The following TRERF1 variants were observed in gnomAD, a reference collection of about 807,000 sequenced individuals.
TRERF1 encodes transcriptional regulating factor 1.
TRERF1 carries 27 observed loss-of-function variants against 122.9 expected under a neutral mutation model. The ratio of observed to expected loss-of-function variants is 0.22; its 90% confidence interval spans 0.16 to 0.30. TRERF1 has a LOEUF of 0.30. TRERF1 is among the 10% of genes least tolerant of loss of function. TRERF1 has a pLI of 1.00. For missense variants in TRERF1, 1,248 were observed against 1,560.3 expected (o/e 0.80, Z 3.37); for synonymous variants, 636 against 641.7 (o/e 0.99, Z 0.13).
chr6:42,435,773 A>G (rs977772455), intron 2 of TRERF1, among the ~76,000 whole-genome samples: 1 of 151,664 alleles, frequency 6.6e-6, no homozygotes, highest in Non-Finnish European at 1.5e-5. Flanking sequence ...CAAGAGATCG[A>G]GATCATCCTG....
chr6:42,349,054 C>T (rs1995871), intron 3 of TRERF1, among the ~76,000 whole-genome samples: 14,443 of 152,170 alleles, frequency 0.095, 1,045 homozygotes, highest in African/African-American at 0.2. Flanking sequence ...GTGCTTGGAA[C>T]TGCAGAAGGC....
At chr6:42,382,337 A>C (rs1389045060) in intron 2 of TRERF1, among the ~76,000 whole-genome samples, 1 of 151,676 alleles carries the variant, frequency 6.6e-6, no homozygotes, top group Non-Finnish European at 1.5e-5. Flanking sequence ...CCTCAGGTTA[A>C]AACATTTTAT....
intron 2 of TRERF1, among the ~76,000 whole-genome samples, chr6:42,448,038 C>T (rs1203541740): frequency 6.6e-6 from 1 of 152,130 alleles, no homozygotes; most frequent in Non-Finnish European, 1.5e-5. Flanking sequence ...TGTCCAAAGT[C>T]AATAAAAACA....
intron 2 of TRERF1, among the ~76,000 whole-genome samples, chr6:42,433,699 A>C (rs1046878347): frequency 3.3e-5 from 5 of 152,154 alleles, no homozygotes; most frequent in Non-Finnish European, 7.3e-5. Flanking sequence ...AGGTATCCAA[A>C]TATTGAAGTT....
Position 42,259,710 on chromosome 6 carries a change from T to C in TRERF1, c.1898A>G (p.Lys633Arg). 1 of 1,602,744 alleles carries C rather than the reference T, an allele frequency of 6.2e-7. No individual in the cohort carries two copies. The highest frequency in any genetic ancestry group is 8.5e-7 in the Non-Finnish European group (1 of 1,179,940). Residue 633 changes from lysine (K) to arginine (R), a missense_variant, in exon 9 of 18, where the codon AAG becomes AGG. Lys to Arg is a conservative substitution (Grantham distance 26, BLOSUM62 2). Transcript: ENST00000372922. The surrounding 1 kb of genome is among the most constrained non-coding windows in gnomAD (Gnocchi z 4.9). ...GGCTTTGGGCACACTCGGCTGATGC[T>C]TCCTGGGGATTTCCTAAAACCGGAA...
chr6:42,246,022 C>T (rs1455331335), intron 14 of TRERF1, among the ~76,000 whole-genome samples: 4 of 152,166 alleles, frequency 2.6e-5, no homozygotes, highest in East Asian at 1.9e-4. Flanking sequence ...GCAAGAGAAT[C>T]GCTTGAACCC....
rs1780841731 is a variant in TRERF1 at position 42,409,814 on chromosome 6, T to TC, written c.-454+41362dup. Among the ~76,000 whole-genome samples, 3 of 152,318 alleles carry TC rather than the reference T, an allele frequency of 2.0e-5. No individual in the cohort carries two copies. The South Asian group carries it at 6.2e-4, about 32-fold the overall frequency. On this transcript the variant is annotated intron_variant, in intron 2 of 17. Coordinates refer to ENST00000372922, the Ensembl canonical transcript of TRERF1. ...TTTTTCAGGGCACACTTCTAGTATT[T>TC]CCCCACTCAGTATCTGCAGCCCCTG... is the stretch of plus-strand genomic sequence containing the variant.
At chr6:42,301,577 TAATAA>T (rs1373084531) in intron 3 of TRERF1, among the ~76,000 whole-genome samples, 1 of 152,180 alleles carries the variant, frequency 6.6e-6, no homozygotes, top group Non-Finnish European at 1.5e-5. Context: ...ATGACTACTT[TAATAA>T]AATATAGTAA....
At chr6:42,304,344 T>C (rs1229725146) in intron 3 of TRERF1, among the ~76,000 whole-genome samples, 1 of 152,224 alleles carries the variant, frequency 6.6e-6, no homozygotes, top group East Asian at 1.9e-4. Flanking sequence ...GAAATGAGGT[T>C]ACTTAGCAGT....
chr6:42,323,346 G>A (rs1763766246), intron 3 of TRERF1, among the ~76,000 whole-genome samples: 1 of 151,942 alleles, frequency 6.6e-6, no homozygotes, highest in Non-Finnish European at 1.5e-5. Flanking sequence ...TTACAGGCAT[G>A]CACCACCACG....
At chr6:42,362,415 T>C (rs1052599713) in intron 3 of TRERF1, among the ~76,000 whole-genome samples, 13 of 152,090 alleles carry the variant, frequency 8.5e-5, no homozygotes, top group African/African-American at 3.1e-4. Flanking sequence ...CGGATCAGGG[T>C]TTACACCTGA....
intron 2 of TRERF1, among the ~76,000 whole-genome samples, chr6:42,368,757 C>T (rs979797965): frequency 2.6e-5 from 4 of 152,100 alleles, no homozygotes; most frequent in African/African-American, 9.7e-5. Flanking sequence ...TGTTTTACTA[C>T]ATTTATGATT....
chr6:42,340,042 C>T (rs1467457159), intron 3 of TRERF1, among the ~76,000 whole-genome samples: 3 of 152,140 alleles, frequency 2.0e-5, no homozygotes, highest in African/African-American at 7.2e-5. Flanking sequence ...CGTCTTTCCA[C>T]CCTGCACCCA....
In TRERF1 at chr6:42,236,246, G is replaced by T. The variant is rs143928148; in HGVS notation, c.3025C>A (p.Pro1009Thr). 31 of 1,608,586 alleles carry T rather than the reference G, an allele frequency of 1.9e-5. No homozygotes were observed. The African/African-American group carries it at 4.2e-4, about 22-fold the overall frequency. Reference sequence around the variant, plus strand: ...ATTTCACAGATGAAGGAGCCTGAGGGCTGGCCCAGGGCCTGCAGGGGCGGC... The same window carrying T: ...ATTTCACAGATGAAGGAGCCTGAGGTCTGGCCCAGGGCCTGCAGGGGCGGC... Residue 1009 changes from proline (P) to threonine (T), a missense_variant, in exon 16 of 18, where the codon CCC becomes ACC. Pro to Thr is a conservative substitution (Grantham distance 38, BLOSUM62 -1). Transcript: ENST00000372922.
chr6:42,257,557 G>A (rs1777000258), intron 10 of TRERF1, among the ~76,000 whole-genome samples: 1 of 152,156 alleles, frequency 6.6e-6, no homozygotes, highest in South Asian at 2.1e-4. Context: ...CCCATTTGAC[G>A]AGTCAACTAA....
chr6:42,407,592 G>A (rs1328600462), intron 2 of TRERF1, among the ~76,000 whole-genome samples: 1 of 152,100 alleles, frequency 6.6e-6, no homozygotes. Flanking sequence ...GAAGAGAGAT[G>A]TGACTTGTCC....
chr6:42,236,211 A>G, exon 16 of TRERF1: 1 of 1,581,126 alleles, frequency 6.3e-7, no homozygotes, highest in Middle Eastern at 1.7e-4. Flanking sequence ...TTACAGCCCC[A>G]CAGTTGGGCA....
chr6:42,269,420 G>T lies in TRERF1; in HGVS notation c.171C>A (p.Phe57Leu). Residue 57 changes from phenylalanine (F) to leucine (L), a missense_variant, in exon 5 of 18, where the codon TTC (phenylalanine) becomes TTA (leucine). Transcript: ENST00000372922. The surrounding 1 kb of genome is among the most constrained non-coding windows in gnomAD (Gnocchi z 4.9). Reference sequence around the variant, plus strand: ...CCAGACCATCCCGTGTATCTTGAGGGAAGTGGGGGGAGATTGGCGAGGCCT... The same window carrying T: ...CCAGACCATCCCGTGTATCTTGAGGTAAGTGGGGGGAGATTGGCGAGGCCT... The T allele has an allele frequency of 6.2e-7, 1 of 1,614,232 alleles. No individual in the cohort carries two copies. Among genetic ancestry groups the T allele is most frequent in the Non-Finnish European group, 8.5e-7 (1 of 1,180,040 alleles).
intron 2 of TRERF1, among the ~76,000 whole-genome samples, chr6:42,400,526 C>T (rs1442980244): frequency 6.6e-6 from 1 of 152,168 alleles, no homozygotes; most frequent in Non-Finnish European, 1.5e-5. Flanking sequence ...AAACAAAACA[C>T]AACCTTTCCC....
Sources: allele counts gnomAD v4.1 joint callset (sites outside exome capture counted in the v4.1 genomes callset), GRCh38; gene constraint gnomAD v4.1.1; non-coding constraint Gnocchi (gnomAD v3.1); transcripts MANE v1.5; gene names NCBI Gene and HGNC (gene_info 2026-07-23, HGNC 2026-07-21).